Variants in METTL15 observed in about 807,000 individuals in gnomAD.
METTL15 encodes methyltransferase 15, mitochondrial 12S rRNA N4-cytidine, also known as 12S rRNA N(4)-cytidine methyltransferase METTL15.
A neutral mutation model predicts 38.3 loss-of-function variants in METTL15; 34 were observed. The observed-to-expected ratio is 0.89, with a 90% CI of 0.68 to 1.18. The LOEUF (loss-of-function observed/expected upper bound fraction) is 1.18. METTL15 is among the 50% of genes most tolerant of loss of function. The pLI, the probability that METTL15 is intolerant of heterozygous loss-of-function variation, is 0.00. For synonymous variants in METTL15, 162 were observed against 170.9 expected (o/e 0.95, Z 0.41); for missense variants, 438 against 498.4 (o/e 0.88, Z 1.15).
chr11:28,276,304 A>G (rs895282158), intron 4 of METTL15, among the ~76,000 whole-genome samples: 3 of 152,138 alleles, frequency 2.0e-5, no homozygotes, highest in African/African-American at 4.8e-5. Flanking sequence ...ACCAGTAATG[A>G]TCTAACTGAA....
chr11:28,505,384 G>A (rs867495795), intron 6 of METTL15, among the ~76,000 whole-genome samples: 1 of 152,284 alleles, frequency 6.6e-6, no homozygotes, highest in Non-Finnish European at 1.5e-5. Flanking sequence ...TTACTGACAC[G>A]GATGTGTAAA....
chr11:28,341,389 T>G (rs180708704), intron 3 of METTL15, among the ~76,000 whole-genome samples: 1 of 152,332 alleles, frequency 6.6e-6, no homozygotes, highest in East Asian at 1.9e-4. Context: ...TTAATGATGT[T>G]TAATTCTAGG....
intron 6 of METTL15, among the ~76,000 whole-genome samples, chr11:28,305,498 AT>A (rs144829185): frequency 0.03 from 4,527 of 152,304 alleles, 88 homozygotes; most frequent in Non-Finnish European, 0.045. Context: ...TAACTGAAGT[AT>A]AAAAAGATTA....
In METTL15 at chr11:28,401,717, C is replaced by T. The variant is rs1850632250; in HGVS notation, c.*359-22582C>T. 2.0e-5 allele frequency among the ~76,000 whole-genome samples: 3 copies of T among 151,862 alleles called. No homozygotes were observed. In the South Asian group the frequency reaches 6.2e-4, roughly 31 times the overall value. On this transcript the variant is annotated intron_variant and NMD_transcript_variant, in intron 5 of 7. Coordinates refer to the METTL15 transcript ENST00000532947. Reference sequence around the variant, plus strand: ...ATTTGGCTTTGATGAAGATCTCAATCCTCATTTGGCTAGTTAAGAGTGACT... The same window carrying T: ...ATTTGGCTTTGATGAAGATCTCAATTCTCATTTGGCTAGTTAAGAGTGACT...
chr11:28,382,436 G>T (rs1030278193), intron 5 of METTL15, among the ~76,000 whole-genome samples: 5 of 152,136 alleles, frequency 3.3e-5, no homozygotes, highest in Admixed American at 3.3e-4. Flanking sequence ...TAGGAAGATG[G>T]TTGTCTTCCA....
chr11:28,239,293 C>G (rs181690307), intron 4 of METTL15, among the ~76,000 whole-genome samples: 233 of 152,292 alleles, frequency 1.5e-3, no homozygotes, highest in Non-Finnish European at 2.6e-3. Flanking sequence ...CTGTTAAGGG[C>G]AATTCTATTT....
rs561430273 is a variant in METTL15, at chr11:28,122,743, A to G, written c.270+9139A>G. Among the ~76,000 whole-genome samples the G allele has an allele frequency of 3.1e-4, 47 of 151,990 alleles. No homozygotes were observed. The South Asian group carries it at 9.8e-3, about 32-fold the overall frequency. On this transcript the variant is annotated intron_variant, in intron 3 of 6. Coordinates refer to ENST00000407364, the MANE Select transcript of METTL15 (RefSeq NM_001113528.2). ...CTGAATTAATGCATTTTCATCATAT[A>G]TAATTCTCTTTATTTGAATTGTGAA...
intron 6 of METTL15, among the ~76,000 whole-genome samples, chr11:28,525,303 G>A (rs946355446): frequency 1.9e-4 from 29 of 152,156 alleles, no homozygotes; most frequent in African/African-American, 5.3e-4. Context: ...TACAGAGAGC[G>A]GGAGTGGTCT....
At chr11:28,122,840 T>G (rs1374367515) in intron 3 of METTL15, among the ~76,000 whole-genome samples, 1 of 152,006 alleles carries the variant, frequency 6.6e-6, no homozygotes, top group Non-Finnish European at 1.5e-5. Context: ...TCCAGTGGCT[T>G]TAAATTATCT....
chr11:28,160,694 CAAT>C (rs1425455213), intron 3 of METTL15, among the ~76,000 whole-genome samples: 2 of 151,882 alleles, frequency 1.3e-5, no homozygotes, highest in African/African-American at 2.4e-5. Flanking sequence ...TGAGATTTTG[CAAT>C]AATAACATAT....
chr11:28,233,456 G>A (rs1853779688), intron 4 of METTL15, among the ~76,000 whole-genome samples: 1 of 151,736 alleles, frequency 6.6e-6, no homozygotes, highest in Admixed American at 6.6e-5. Context: ...TATATAGACT[G>A]TGGCTAATTT....
At chr11:28,151,002 T>A (rs1850065231) in intron 3 of METTL15, among the ~76,000 whole-genome samples, 2 of 99,060 alleles carry the variant, frequency 2.0e-5, no homozygotes, top group Admixed American at 1.2e-4. Context: ...GAGGCAACAG[T>A]GACCAAAAAA....
chr11:28,350,148 A>G (rs1412118703), intron 3 of METTL15, among the ~76,000 whole-genome samples: 1 of 152,178 alleles, frequency 6.6e-6, no homozygotes, highest in African/African-American at 2.4e-5. Context: ...TAGGGCCTGT[A>G]GACAAATAAG....
intron 3 of METTL15, among the ~76,000 whole-genome samples, chr11:28,160,239 T>C (rs758151819): frequency 2.6e-5 from 4 of 152,024 alleles, no homozygotes; most frequent in Non-Finnish European, 5.9e-5. Flanking sequence ...CCATTAGTTA[T>C]TGGATATTAT....
At chr11:28,202,424 A>G (rs1331841133) in intron 3 of METTL15, among the ~76,000 whole-genome samples, 1 of 151,958 alleles carries the variant, frequency 6.6e-6, no homozygotes, top group Non-Finnish European at 1.5e-5. Context: ...AATGCTATGT[A>G]TATCTTTCTT....
chr11:28,470,058 T>G (rs1851290154), intron 6 of METTL15, among the ~76,000 whole-genome samples: 1 of 151,954 alleles, frequency 6.6e-6, no homozygotes, highest in Non-Finnish European at 1.5e-5. Context: ...AACCTCACAA[T>G]CACAATGTAG....
At chr11:28,267,076 C>G (rs771055005) in intron 4 of METTL15, among the ~76,000 whole-genome samples, 10 of 149,172 alleles carry the variant, frequency 6.7e-5, no homozygotes, top group Non-Finnish European at 1.2e-4. Flanking sequence ...AGGAAAATCG[C>G]TTGAACCCAG....
At chr11:28,430,948 A>G (rs1590372224) in intron 6 of METTL15, among the ~76,000 whole-genome samples, 2 of 91,174 alleles carry the variant, frequency 2.2e-5, no homozygotes, top group Non-Finnish European at 4.8e-5. Context: ...CCGGGAGGTG[A>G]GGGGCGCCTC....
intron 3 of METTL15, chr11:28,122,039 A>G (rs1321576655): frequency 8.3e-6 from 5 of 602,290 alleles, no homozygotes; most frequent in Non-Finnish European, 8.9e-6. Context: ...TAAATTGTAT[A>G]TGATATTTTT....
Sources: allele counts gnomAD v4.1 joint callset (sites outside exome capture counted in the v4.1 genomes callset), GRCh38; gene constraint gnomAD v4.1.1; transcripts MANE v1.5; gene names NCBI Gene and HGNC (gene_info 2026-07-23, HGNC 2026-07-21).